Variants in CNOT4 observed in about 807,000 individuals in gnomAD.
The protein encoded by CNOT4 is CCR4-associated factor 4.
Under a neutral mutation model 73.8 loss-of-function variants are expected in CNOT4, and 8 were observed. The observed-to-expected ratio is 0.11, with a 90% confidence interval of 0.06 to 0.20. CNOT4 has a LOEUF of 0.20. CNOT4 is among the 10% of genes least tolerant of loss of function. The pLI is 1.00. For synonymous variants in CNOT4, 293 were observed against 321.1 expected, an observed-to-expected ratio of 0.91 and a Z score of 0.94; for missense variants, 564 against 883.4, an observed-to-expected ratio of 0.64 and a Z score of 4.58.
At chr7:135,396,107 C>CTTTTTTTTTTTT (rs71174519) in intron 8 of CNOT4, among the ~76,000 whole-genome samples, 3 of 95,434 alleles carry the variant, frequency 3.1e-5, no homozygotes, top group African/African-American at 1.4e-4. Context: ...ACTAGTCTCC[C>CTTTTTTTTTTTT]TTTTTTTTTT....
rs779622907 is a variant in CNOT4, at chr7:135,363,063, T to C, written c.1964A>G (p.His655Arg). ...DGPSAAPSQT[H>R]HSAPFSTQIP... ...CTGTGTGCTGAAGGGGGCGCTGTGGTGGGTCTGTGATGGAGCAGCGCTGGG... is the reference window on the plus strand; with the variant it reads ...CTGTGTGCTGAAGGGGGCGCTGTGGCGGGTCTGTGATGGAGCAGCGCTGGG... Residue 655 changes from histidine to arginine, a missense_variant, in exon 12 of 12, where the codon CAC (histidine) becomes CGC (arginine). Physicochemically the swap from His to Arg is conservative, Grantham distance 29. Around this residue, in one of 10 missense-constraint regions of CNOT4, gnomAD observed 88 missense variants for 94.7 expected, o/e 0.93. Transcript: ENST00000541284. This position sits in a 1 kb window ranked among gnomAD's most constrained non-coding sequence, Gnocchi z 4.3. 1.9e-5 allele frequency: 30 copies of C among 1,613,728 alleles called. No individual in the cohort carries two copies. The highest frequency in any genetic ancestry group is 2.2e-5 in the East Asian group (1 of 44,872).
At chr7:135,406,857 G>A (rs911215943) in intron 7 of CNOT4, among the ~76,000 whole-genome samples, 2 of 152,062 alleles carry the variant, frequency 1.3e-5, no homozygotes, top group Non-Finnish European at 1.5e-5. Context: ...TATAATAAAG[G>A]CAAAGTCAAT....
chr7:135,362,977 G>A lies in CNOT4; in HGVS notation c.2050C>T (p.His684Tyr). Residue 684 changes from histidine to tyrosine, a missense_variant, in exon 12 of 12, where the codon CAC becomes TAC. This residue lies in a region of CNOT4 where 88 missense variants were observed against 94.7 expected (regional missense o/e 0.93). Transcript: ENST00000541284. ...GTCTGAAAGCCTGGGGGTGGGGAGTGGAAGCTGGAAGGGTTTGAAGGAGGA... is the reference window on the plus strand; with the variant it reads ...GTCTGAAAGCCTGGGGGTGGGGAGTAGAAGCTGGAAGGGTTTGAAGGAGGA... ...YPPPSNPSSFHSPPPGFQTAF... is the reference protein window; with the variant it reads ...YPPPSNPSSFYSPPPGFQTAF... 6.2e-7 allele frequency: 1 copy of A among 1,613,686 alleles called. No individual in the cohort carries two copies. The highest frequency in any genetic ancestry group is 8.5e-7 in the Non-Finnish European group (1 of 1,179,836).
At chr7:135,453,555 G>A (rs1432874199) in intron 1 of CNOT4, among the ~76,000 whole-genome samples, 1 of 151,780 alleles carries the variant, frequency 6.6e-6, no homozygotes, top group Non-Finnish European at 1.5e-5. Context: ...TTTGGGCTAG[G>A]TAGGGCATAA....
chr7:135,417,025 G>A (rs1279713749), intron 3 of CNOT4, among the ~76,000 whole-genome samples: 1 of 152,070 alleles, frequency 6.6e-6, no homozygotes, highest in African/African-American at 2.4e-5. Flanking sequence ...AGTTATCTGA[G>A]AAAAATCACA....
intron 1 of CNOT4, among the ~76,000 whole-genome samples, chr7:135,474,183 T>G (rs1402819782): frequency 2.6e-5 from 4 of 151,762 alleles, no homozygotes; most frequent in Admixed American, 2.6e-4. Context: ...TTTCACCATC[T>G]TGGCCAGGCT....
At chr7:135,483,053 G>T (rs1229003047) in intron 1 of CNOT4, among the ~76,000 whole-genome samples, 1 of 148,176 alleles carries the variant, frequency 6.7e-6, no homozygotes, top group Non-Finnish European at 1.5e-5. Flanking sequence ...ATAAAATCTA[G>T]TCTGTGAACA....
intron 1 of CNOT4, among the ~76,000 whole-genome samples, chr7:135,454,321 G>A (rs1339603815): frequency 6.6e-6 from 1 of 151,840 alleles, no homozygotes; most frequent in Non-Finnish European, 1.5e-5. Flanking sequence ...TATTACTACA[G>A]AAAGTCTCAC....
chr7:135,425,631 T>C (rs1798449601), intron 2 of CNOT4, among the ~76,000 whole-genome samples: 1 of 152,194 alleles, frequency 6.6e-6, no homozygotes, highest in Non-Finnish European at 1.5e-5. Flanking sequence ...TACTACAATT[T>C]ACCCTCCAAA....
chr7:135,386,955 G>T, intron 10 of CNOT4: 1 of 372,382 alleles, frequency 2.7e-6, no homozygotes, highest in Non-Finnish European at 3.7e-6. Flanking sequence ...GAAGATCCAG[G>T]CAATGAAAGG....
At chr7:135,426,694 G>C (rs1056151334) in intron 2 of CNOT4, among the ~76,000 whole-genome samples, 1 of 151,884 alleles carries the variant, frequency 6.6e-6, no homozygotes. Flanking sequence ...AGGCCGAGAC[G>C]TGTGGATCAC....
chr7:135,424,000 T>C (rs2129484616), intron 2 of CNOT4, among the ~76,000 whole-genome samples: 1 of 149,438 alleles, frequency 6.7e-6, no homozygotes, highest in African/African-American at 2.5e-5. Context: ...AACTCAGCAT[T>C]TCTGTGTTTT....
chr7:135,443,884 C>A (rs1333738306), intron 1 of CNOT4, among the ~76,000 whole-genome samples: 1 of 152,152 alleles, frequency 6.6e-6, no homozygotes, highest in African/African-American at 2.4e-5. Flanking sequence ...CACAATGGCT[C>A]ACACTCACAG....
intron 1 of CNOT4, among the ~76,000 whole-genome samples, chr7:135,479,870 A>T (rs978956043): frequency 7.2e-5 from 11 of 152,318 alleles, no homozygotes; most frequent in African/African-American, 2.6e-4. Flanking sequence ...AGGCTGGGTG[A>T]CAGAGTGAGA....
intron 7 of CNOT4, among the ~76,000 whole-genome samples, chr7:135,402,986 G>C (rs1442994152): frequency 6.6e-6 from 1 of 152,016 alleles, no homozygotes; most frequent in African/African-American, 2.4e-5. Context: ...TTCAAGGATG[G>C]GGGTGGACTA....
chr7:135,406,437 A>C (rs1022979263), intron 7 of CNOT4, among the ~76,000 whole-genome samples: 1 of 151,814 alleles, frequency 6.6e-6, no homozygotes, highest in Non-Finnish European at 1.5e-5. Flanking sequence ...AGGCAGGCGA[A>C]TCGCTTGAGC....
At chr7:135,439,838 T>C (rs1799368209) in intron 1 of CNOT4, among the ~76,000 whole-genome samples, 1 of 152,166 alleles carries the variant, frequency 6.6e-6, no homozygotes, top group African/African-American at 2.4e-5. Context: ...TGCTAAAATG[T>C]ATAACTAAAG....
At chr7:135,468,019 T>C (rs1256773333) in intron 1 of CNOT4, among the ~76,000 whole-genome samples, 5 of 151,620 alleles carry the variant, frequency 3.3e-5, no homozygotes, top group East Asian at 3.9e-4. Flanking sequence ...ATTGAGACCA[T>C]CCTGGCTAAC....
chr7:135,397,221 A>C (rs1209004126), intron 8 of CNOT4, among the ~76,000 whole-genome samples: 1 of 152,154 alleles, frequency 6.6e-6, no homozygotes, highest in Non-Finnish European at 1.5e-5. Flanking sequence ...AAAACTTCTG[A>C]TTGTTAAAGG....
Sources: gnomAD v4.1 joint callset for allele counts (sites outside exome capture counted in the v4.1 genomes callset) on GRCh38, gnomAD v4.1.1 for gene constraint, gnomAD v4.1.1 regional missense constraint, Gnocchi (gnomAD v3.1) non-coding constraint, MANE v1.5 for transcripts, NCBI Gene and HGNC (gene_info 2026-07-23, HGNC 2026-07-21) for gene names.